ADGRL4: variants seen among roughly 807,000 people sequenced by gnomAD.
The protein encoded by ADGRL4 is adhesion G protein-coupled receptor L4, also known as EGF, latrophilin and seven transmembrane domain containing 1.
ADGRL4 carries 90 observed loss-of-function variants against 74.8 expected under a neutral mutation model. That is an observed-to-expected ratio of 1.20 (90% CI 1.02 to 1.43). The LOEUF (loss-of-function observed/expected upper bound fraction) is 1.43, where lower values mean the gene tolerates loss of function less well. ADGRL4 is among the 40% of genes most tolerant of loss of function. The pLI, the probability that ADGRL4 is intolerant of heterozygous loss-of-function variation, is 0.00. For synonymous variants in ADGRL4, 311 were observed against 279.2 expected, an observed-to-expected ratio of 1.11 and a Z score of -1.14; for missense variants, 881 against 814.3, an observed-to-expected ratio of 1.08 and a Z score of -1.00.
At chr1:78,935,249 T>C (rs916983955) in intron 7 of ADGRL4, among the ~76,000 whole-genome samples, 3 of 152,184 alleles carry the variant, frequency 2.0e-5, no homozygotes, top group Non-Finnish European at 4.4e-5. Context: ...ATCATGTCTT[T>C]GCAGGGACTT....
At chr1:78,901,480 T>G (rs1036051816) in intron 12 of ADGRL4, among the ~76,000 whole-genome samples, 1 of 152,182 alleles carries the variant, frequency 6.6e-6, no homozygotes, top group African/African-American at 2.4e-5. Context: ...CATAAAGGAT[T>G]GAACCCAGAA....
intron 7 of ADGRL4, among the ~76,000 whole-genome samples, chr1:78,928,110 G>C (rs1056056445): frequency 6.6e-6 from 1 of 151,582 alleles, no homozygotes; most frequent in Non-Finnish European, 1.5e-5. Context: ...GAACCATGTC[G>C]TGGGACAGTG....
chr1:78,908,000 T>G (rs2100660485), intron 12 of ADGRL4, among the ~76,000 whole-genome samples: 1 of 152,078 alleles, frequency 6.6e-6, no homozygotes, highest in South Asian at 2.1e-4. Context: ...GCACAATGTT[T>G]CCGTATGAGA....
chr1:78,956,675 C>A (rs1047182122), intron 2 of ADGRL4, among the ~76,000 whole-genome samples: 4 of 152,042 alleles, frequency 2.6e-5, no homozygotes, highest in African/African-American at 9.7e-5. Context: ...TTGTTGACAA[C>A]AGAGAATTGA....
rs753168706 is a variant in ADGRL4 at position 78,891,688 on chromosome 1, A to G, written c.1846T>C (p.Cys616Arg). 3.1e-6 allele frequency: 5 copies of G among 1,609,362 alleles called. No individual in the cohort carries two copies. The highest frequency in any genetic ancestry group is 2.2e-5 in the East Asian group (1 of 44,798). Residue 616 changes from cysteine to arginine, a missense_variant, in exon 14 of 15, where the codon TGT (cysteine) becomes CGT (arginine). Physicochemically the swap from Cys to Arg is radical, Grantham distance 180. Coordinates refer to ENST00000370742, the MANE Select transcript of ADGRL4 (RefSeq NM_022159.4). Reference protein sequence around the residue: ...EVSCFENIRSCARGALALLFL... With the variant: ...EVSCFENIRSRARGALALLFL... The stretch of plus-strand genomic sequence containing the variant: ...AGAAGAGCGAGGGCTCCTCTTGCAC[A>G]AGACCTATCACATATGAGAAATGCG...
At chr1:79,003,012 C>T (rs569913155) in intron 2 of ADGRL4, among the ~76,000 whole-genome samples, 2 of 151,682 alleles carry the variant, frequency 1.3e-5, no homozygotes, top group Admixed American at 6.6e-5. Flanking sequence ...ATGATAATGG[C>T]GATATTGAGG....
At chr1:78,966,606 C>A (rs1021909913) in intron 2 of ADGRL4, among the ~76,000 whole-genome samples, 1 of 152,102 alleles carries the variant, frequency 6.6e-6, no homozygotes, top group Non-Finnish European at 1.5e-5. Flanking sequence ...CTTTTCCTTC[C>A]TCTTTTTGGA....
intron 12 of ADGRL4, among the ~76,000 whole-genome samples, chr1:78,910,939 A>G (rs899897238): frequency 2.6e-5 from 4 of 151,890 alleles, no homozygotes; most frequent in East Asian, 1.9e-4. Context: ...AGTAAGATCA[A>G]TGCAGAACAT....
chr1:78,927,082 G>T lies in ADGRL4; in HGVS notation c.887C>A (p.Ala296Glu). 6.3e-7 allele frequency: 1 copy of T among 1,578,106 alleles called. No homozygotes were observed. The highest frequency in any genetic ancestry group is 8.7e-7 in the Non-Finnish European group (1 of 1,150,512). Residue 296 changes from alanine (A) to glutamate (E), a missense_variant, in exon 8 of 15, where the codon GCA becomes GAA. Transcript: ENST00000370742. ...KAAYDSNGNV[A>E]VAFVYYKSIG... ...ACTCTTATAATATACAAATGCAACT[G>T]CAACATTGCCTATCAATCAAATAAG...
intron 12 of ADGRL4, among the ~76,000 whole-genome samples, chr1:78,917,285 A>G (rs896196526): frequency 2.0e-5 from 3 of 151,858 alleles, no homozygotes; most frequent in Non-Finnish European, 2.9e-5. Flanking sequence ...CTGATAAGCA[A>G]AAAATGCTTT....
chr1:78,961,010 A>G (rs1343607779), intron 2 of ADGRL4, among the ~76,000 whole-genome samples: 1 of 152,166 alleles, frequency 6.6e-6, no homozygotes, highest in African/African-American at 2.4e-5. Flanking sequence ...AAATAAATTG[A>G]GTAAGTTTTT....
chr1:78,930,907 G>A (rs1649229212), intron 7 of ADGRL4, among the ~76,000 whole-genome samples: 1 of 151,364 alleles, frequency 6.6e-6, no homozygotes, highest in Non-Finnish European at 1.5e-5. Flanking sequence ...GCTAGTACCA[G>A]AATTGAATCA....
At chr1:78,977,643 A>C (rs1650312307) in intron 2 of ADGRL4, among the ~76,000 whole-genome samples, 1 of 151,970 alleles carries the variant, frequency 6.6e-6, no homozygotes, top group East Asian at 1.9e-4. Context: ...AATAGAACAG[A>C]GATCCACATG....
intron 12 of ADGRL4, among the ~76,000 whole-genome samples, chr1:78,905,299 A>C (rs980824695): frequency 5.9e-5 from 9 of 152,160 alleles, no homozygotes; most frequent in African/African-American, 1.4e-4. Context: ...AACTTCAATA[A>C]GTTTATAGAA....
chr1:78,940,821 C>T (rs999599516), intron 3 of ADGRL4, among the ~76,000 whole-genome samples: 3 of 152,074 alleles, frequency 2.0e-5, no homozygotes, highest in African/African-American at 4.8e-5. Context: ...TAATTTCTCA[C>T]TCAAAAATCC....
At position 78,937,572 on chromosome 1, in the gene ADGRL4, G is replaced by C. The variant is rs981658266; in HGVS notation, c.760+235C>G. Among the ~76,000 whole-genome samples, 3 of 152,314 alleles carry C rather than the reference G, an allele frequency of 2.0e-5. No homozygotes were observed. The East Asian group carries it at 5.8e-4, about 29-fold the overall frequency. ...ACCATTTAATGGCTGTACAGTTCAGGAATCAGAAAAGGTGGATATGATAGG... is the reference window on the plus strand; with the variant it reads ...ACCATTTAATGGCTGTACAGTTCAGCAATCAGAAAAGGTGGATATGATAGG... On this transcript the variant is annotated intron_variant, in intron 6 of 14. Coordinates refer to ENST00000370742, the MANE Select transcript of ADGRL4 (RefSeq NM_022159.4).
rs543980811 is a variant in ADGRL4 at position 78,893,156 on chromosome 1, T to C, written c.1783A>G (p.Lys595Glu). 6.2e-7 allele frequency: 1 copy of C among 1,604,244 alleles called. No individual in the cohort carries two copies. ...AACCCTGCAGTGTGACGAAAAACTT[T>C]GTATATGATGACTCCAAAAGCCAAG... ...NLLAFGVIIY[K>E]VFRHTAGLKP... The change falls in exon 13 of 15, where the codon AAA (lysine) becomes GAA (glutamate). Residue 595 changes from lysine to glutamate, a missense_variant. Lys to Glu is a moderately conservative substitution (Grantham distance 56). Transcript: ENST00000370742.
intron 12 of ADGRL4, among the ~76,000 whole-genome samples, chr1:78,893,923 C>G (rs997358821): frequency 6.6e-6 from 1 of 151,606 alleles, no homozygotes; most frequent in Admixed American, 6.6e-5. Flanking sequence ...GTTTTGAAGA[C>G]CTCCAAGTCA....
chr1:78,905,614 A>T (rs1312689033), intron 12 of ADGRL4, among the ~76,000 whole-genome samples: 2 of 152,016 alleles, frequency 1.3e-5, no homozygotes, highest in African/African-American at 4.8e-5. Flanking sequence ...TTACAAAAAC[A>T]AGCCATGCTC....
Sources: allele counts gnomAD v4.1 joint callset (sites outside exome capture counted in the v4.1 genomes callset), GRCh38; gene constraint gnomAD v4.1.1; transcripts MANE v1.5; gene names NCBI Gene and HGNC (gene_info 2026-07-23, HGNC 2026-07-21).